PIGK: variants seen among roughly 807,000 people sequenced by gnomAD.
PIGK encodes GPI-anchor transamidase.
PIGK carries 42 observed loss-of-function variants against 50.6 expected under a neutral mutation model. The observed-to-expected ratio is 0.83, with a 90% CI of 0.65 to 1.07. The LOEUF (loss-of-function observed/expected upper bound fraction) is 1.07, where lower values mean the gene tolerates loss of function less well. PIGK is among the 50% of genes least tolerant of loss of function. The pLI is 0.00. For synonymous variants in PIGK, 151 were observed against 156.0 expected, an observed-to-expected ratio of 0.97 and a Z score of 0.24; for missense variants, 448 against 488.7, an observed-to-expected ratio of 0.92 and a Z score of 0.78.
In PIGK at chr1:77,219,343, C is replaced by G; in HGVS notation, c.60G>C (p.Leu20Phe). 2 of 1,613,876 alleles carry G rather than the reference C, an allele frequency of 1.2e-6. No individual in the cohort carries two copies. The highest frequency in any genetic ancestry group is 1.7e-6 in the Non-Finnish European group (2 of 1,179,846). ...GACTAGCGGCCACGCTGCCGAAGGA[C>G]AAGAGCAACACAGTTGCCAAGACAG... ...AATVLATVLL[L>F]SFGSVAASHI... Residue 20 changes from leucine (L) to phenylalanine (F), a missense_variant, in exon 1 of 11, where the codon TTG becomes TTC. Coordinates refer to ENST00000370812, the MANE Select transcript of PIGK (RefSeq NM_005482.3).
rs1653693438 is a variant in PIGK, at chr1:77,106,839, C to CACTA, written c.1072-14353_1072-14350dup. 2.0e-5 allele frequency among the ~76,000 whole-genome samples: 3 copies of CACTA among 152,050 alleles called. No individual in the cohort carries two copies. In the South Asian group the frequency reaches 6.2e-4, roughly 32 times the overall value. Reference sequence around the variant, plus strand: ...TCTAGCAATGTTACAGATTGAATAACACTACCCTTTAAAAGTAAACATTAA... The same window carrying CACTA: ...TCTAGCAATGTTACAGATTGAATAACACTAACTACCCTTTAAAAGTAAACATTAA... On this transcript the variant is annotated intron_variant, in intron 10 of 10. Coordinates refer to ENST00000370812, the MANE Select transcript of PIGK (RefSeq NM_005482.3).
intron 3 of PIGK, among the ~76,000 whole-genome samples, chr1:77,197,076 C>T (rs994229116): frequency 1.6e-4 from 25 of 151,968 alleles, no homozygotes; most frequent in African/African-American, 5.8e-4. Flanking sequence ...TAAATTAATG[C>T]CAAGTAAGTT....
intron 8 of PIGK, among the ~76,000 whole-genome samples, chr1:77,159,537 C>T (rs1367228534): frequency 2.0e-5 from 3 of 152,166 alleles, no homozygotes; most frequent in African/African-American, 4.8e-5. Flanking sequence ...AATGCCAGCC[C>T]GTAAAAGCAA....
chr1:77,093,224 C>A (rs1026819759), intron 10 of PIGK, among the ~76,000 whole-genome samples: 2 of 152,106 alleles, frequency 1.3e-5, no homozygotes, highest in Admixed American at 1.3e-4. Context: ...TCCCTGCACA[C>A]TCCCTGGGAT....
At chr1:77,158,776 T>C (rs1333682103) in intron 8 of PIGK, among the ~76,000 whole-genome samples, 1 of 152,120 alleles carries the variant, frequency 6.6e-6, no homozygotes, top group Non-Finnish European at 1.5e-5. Flanking sequence ...GAGACTTGGG[T>C]GCTGTTAAAA....
intron 9 of PIGK, chr1:77,129,509 T>C (rs1204700599): frequency 1.4e-5 from 20 of 1,425,974 alleles, no homozygotes; most frequent in East Asian, 2.3e-5. Flanking sequence ...CCTACAGAGC[T>C]CATGGTCGGA....
At chr1:77,164,813 T>C (rs917110270) in intron 5 of PIGK, among the ~76,000 whole-genome samples, 4 of 152,058 alleles carry the variant, frequency 2.6e-5, no homozygotes, top group East Asian at 3.8e-4. Context: ...CCTAAGTCAA[T>C]GCACTGCTGT....
intron 9 of PIGK, among the ~76,000 whole-genome samples, chr1:77,140,257 T>A (rs1287502565): frequency 1.3e-5 from 2 of 151,960 alleles, no homozygotes; most frequent in Non-Finnish European, 2.9e-5. Flanking sequence ...TCACTCACTC[T>A]TTCTCTCTTG....
chr1:77,199,098 T>C (rs1048461565), intron 3 of PIGK, among the ~76,000 whole-genome samples: 3 of 152,232 alleles, frequency 2.0e-5, no homozygotes, highest in African/African-American at 7.2e-5. Flanking sequence ...ACCCCATTCA[T>C]GGTCTTGTTA....
rs1210564839 is a variant in PIGK at position 77,113,904 on chromosome 1, C to T, written c.1071+8371G>A. On this transcript the variant is annotated intron_variant, in intron 10 of 10. Transcript: ENST00000370812. ...TTTGAACCCACATCTCTTCATATCTCTACATGTCTTAAACCCTCTTTGGGA... is the reference window on the plus strand; with the variant it reads ...TTTGAACCCACATCTCTTCATATCTTTACATGTCTTAAACCCTCTTTGGGA... Among the ~76,000 whole-genome samples the T allele has an allele frequency of 3.3e-5, 5 of 152,116 alleles. No individual in the cohort carries two copies. In the East Asian group the frequency reaches 9.6e-4, roughly 29 times the overall value.
At chr1:77,093,361 A>T (rs1372187700) in intron 10 of PIGK, among the ~76,000 whole-genome samples, 1 of 152,096 alleles carries the variant, frequency 6.6e-6, no homozygotes, top group Non-Finnish European at 1.5e-5. Flanking sequence ...GCTACATTAC[A>T]GCCTTGTAAT....
intron 10 of PIGK, among the ~76,000 whole-genome samples, chr1:77,120,835 T>C (rs186210303): frequency 1.7e-3 from 262 of 152,288 alleles, no homozygotes; most frequent in African/African-American, 6.1e-3. Flanking sequence ...TGTTTGTAAT[T>C]CAGTGTTAAA....
chr1:77,166,513 T>C (rs1721145), intron 5 of PIGK, among the ~76,000 whole-genome samples: 26,310 of 152,032 alleles, frequency 0.17, 3,887 homozygotes, highest in African/African-American at 0.4. Flanking sequence ...TAAAAAAATA[T>C]AGAGATAAGA....
intron 9 of PIGK, among the ~76,000 whole-genome samples, chr1:77,127,556 T>C (rs971207599): frequency 1.3e-5 from 2 of 152,134 alleles, no homozygotes; most frequent in Non-Finnish European, 2.9e-5. Context: ...TAAAATTACA[T>C]AGTTTATTTC....
At position 77,195,150 on chromosome 1, in the gene PIGK, T is replaced by C. The variant is rs137868762; in HGVS notation, c.239+11490A>G. 1.4e-4 allele frequency: 178 copies of C among 1,230,976 alleles called. No homozygotes were observed. The African/African-American group carries it at 1.8e-3, about 13-fold the overall frequency. The allele number at this position is 1,230,976 out of a possible 1,614,324, so 76.3% of individuals were successfully genotyped here. On this transcript the variant is annotated intron_variant, in intron 3 of 10. Coordinates refer to ENST00000370812, the MANE Select transcript of PIGK (RefSeq NM_005482.3). Reference sequence around the variant, plus strand: ...GTGATTCAGAGTTCATGAATATCATTGCCAATGAGATTGGGTCAGAGGAGA... The same window carrying C: ...GTGATTCAGAGTTCATGAATATCATCGCCAATGAGATTGGGTCAGAGGAGA...
At chr1:77,104,068 T>G (rs1016856785) in intron 10 of PIGK, among the ~76,000 whole-genome samples, 2 of 149,396 alleles carry the variant, frequency 1.3e-5, no homozygotes, top group African/African-American at 4.9e-5. Context: ...GGTAACAACT[T>G]AAGAGCAATT....
intron 10 of PIGK, among the ~76,000 whole-genome samples, chr1:77,094,557 T>C (rs985421287): frequency 6.6e-6 from 1 of 152,166 alleles, no homozygotes; most frequent in Non-Finnish European, 1.5e-5. Flanking sequence ...AATAATCAAG[T>C]AGTTATAGCA....
intron 8 of PIGK, among the ~76,000 whole-genome samples, chr1:77,157,685 C>T (rs1164638395): frequency 2.0e-5 from 3 of 152,098 alleles, no homozygotes; most frequent in South Asian, 2.1e-4. Context: ...ATCTTCAAAA[C>T]GAAGTTAGAA....
intron 9 of PIGK, among the ~76,000 whole-genome samples, chr1:77,147,462 AT>A (rs1477390928): frequency 6.6e-6 from 1 of 152,242 alleles, no homozygotes; most frequent in African/African-American, 2.4e-5. Flanking sequence ...TTTAGAGTTC[AT>A]AATGTCTTAG....
Sources: gnomAD v4.1 joint callset for allele counts (sites outside exome capture counted in the v4.1 genomes callset) on GRCh38, gnomAD v4.1.1 for gene constraint, MANE v1.5 for transcripts, NCBI Gene and HGNC (gene_info 2026-07-23, HGNC 2026-07-21) for gene names.